Variants in IL1RAP observed in about 807,000 individuals in gnomAD.
The protein encoded by IL1RAP is interleukin 1 receptor accessory protein, also known as interleukin-1 receptor accessory protein.
A neutral mutation model predicts 60.7 loss-of-function variants in IL1RAP; 35 were observed. The observed-to-expected ratio is 0.58, with a 90% CI of 0.44 to 0.76. The LOEUF is 0.76. Among genes scored for constraint, IL1RAP ranks in the 30% least tolerant of loss-of-function variants. The probability of loss-of-function intolerance (pLI) is 0.00; values close to 1 mark genes in which losing one functional copy is unlikely to be tolerated. For synonymous variants in IL1RAP, 268 were observed against 250.9 expected, an observed-to-expected ratio of 1.07 and a Z score of -0.64; for missense variants, 572 against 693.9, an observed-to-expected ratio of 0.82 and a Z score of 1.97.
chr3:190,516,863 C>T (rs1196711945), intron 1 of IL1RAP, among the ~76,000 whole-genome samples: 1 of 152,174 alleles, frequency 6.6e-6, no homozygotes, highest in Non-Finnish European at 1.5e-5. Context: ...TAGAACATAA[C>T]TGGAATGAGA....
Position 190,604,117 on chromosome 3 carries a change from G to T in IL1RAP, c.65-11G>T, listed in dbSNP as rs751908742. The T allele has an allele frequency of 1.9e-6, 3 of 1,599,704 alleles. No homozygotes were observed. Among genetic ancestry groups the T allele is most frequent in the Admixed American group, 3.6e-5 (2 of 56,288 alleles). ...TCATCTGCCCCTTTCTTTCTTTTTT[G>T]ATTATTCCAGAACGCTGCGATGACT... On this transcript the variant is annotated splice_polypyrimidine_tract_variant and intron_variant, in intron 3 of 11. Transcript: ENST00000447382.
intron 3 of IL1RAP, among the ~76,000 whole-genome samples, chr3:190,565,312 T>C (rs930124850): frequency 8.5e-5 from 13 of 152,218 alleles, no homozygotes; most frequent in African/African-American, 3.1e-4. Flanking sequence ...TAAACCATAC[T>C]TTACATATCG....
chr3:190,626,745 A>ACTG (rs1168029251), intron 7 of IL1RAP, among the ~76,000 whole-genome samples: 3 of 134,788 alleles, frequency 2.2e-5, no homozygotes, highest in Non-Finnish European at 4.5e-5. Context: ...GTCTTGGCTC[A>ACTG]CTGCAACCTC....
At chr3:190,639,089 C>T (rs567249697) in intron 9 of IL1RAP, among the ~76,000 whole-genome samples, 1 of 151,924 alleles carries the variant, frequency 6.6e-6, no homozygotes, top group African/African-American at 2.4e-5. Flanking sequence ...ATTATGATGG[C>T]CTGTGGTGTC....
At chr3:190,630,200 A>C (rs1058843) in intron 9 of IL1RAP, 643,979 of 750,332 alleles carry the variant, frequency 0.86, 277,096 homozygotes, top group East Asian at 1. Flanking sequence ...AAATGGTATA[A>C]ACATGATTTC....
intron 1 of IL1RAP, among the ~76,000 whole-genome samples, chr3:190,539,767 C>G (rs1723770592): frequency 6.6e-6 from 1 of 150,424 alleles, no homozygotes; most frequent in African/African-American, 2.4e-5. Flanking sequence ...AAAAAATAAC[C>G]TAACAGGTGA....
intron 9 of IL1RAP, among the ~76,000 whole-genome samples, chr3:190,639,288 G>C (rs542573327): frequency 2.2e-4 from 33 of 152,120 alleles, no homozygotes; most frequent in African/African-American, 7.0e-4. Flanking sequence ...CCAATTAGTA[G>C]TGCCCCACAG....
At position 190,648,552 on chromosome 3, in the gene IL1RAP, G is replaced by A. The variant is rs748503112; in HGVS notation, c.1560G>A (p.Val520=). 12 of 1,614,006 alleles carry A rather than the reference G, an allele frequency of 7.4e-6. No homozygotes were observed. Among genetic ancestry groups the A allele is most frequent in the Non-Finnish European group, 9.3e-6 (11 of 1,180,030 alleles). Residue 520 remains valine (V), a synonymous_variant, in exon 12 of 12, where the codon GTG becomes GTA. Coordinates refer to ENST00000447382, the MANE Select transcript of IL1RAP (RefSeq NM_002182.4). ...KVKELKRAKT[V]LTVIKWKGEK... is the part of the protein sequence containing the mutation. ...AAGAGCTGAAGAGGGCTAAGACGGT[G>A]CTCACGGTCATTAAATGGAAAGGGG... is the stretch of plus-strand genomic sequence containing the variant.
At chr3:190,602,111 G>A (rs1446955740) in intron 3 of IL1RAP, among the ~76,000 whole-genome samples, 2 of 152,104 alleles carry the variant, frequency 1.3e-5, no homozygotes, top group African/African-American at 2.4e-5. Context: ...AACTAGGGCT[G>A]TTTTTGCTGA....
chr3:190,631,881 A>G (rs56823006), intron 9 of IL1RAP, among the ~76,000 whole-genome samples: 30,954 of 151,800 alleles, frequency 0.2, 3,970 homozygotes, highest in African/African-American at 0.35. Flanking sequence ...GCTCACTGCA[A>G]CCACTGCCTC....
exon 12 of IL1RAP, chr3:190,656,817 C>A: frequency 6.4e-6 from 3 of 465,750 alleles, no homozygotes; most frequent in Non-Finnish European, 7.5e-6. Context: ...GAAGAGCACA[C>A]TCTTCTTGGG....
chr3:190,649,631 A>G lies in IL1RAP; in HGVS notation c.*926A>G. The G allele has an allele frequency of 1.0e-6, 1 of 985,890 alleles. No individual in the cohort carries two copies. Among genetic ancestry groups the G allele is most frequent in the Non-Finnish European group, 1.2e-6 (1 of 829,926 alleles). The allele number at this position is 985,890 out of a possible 1,614,324, so 61.1% of individuals were successfully genotyped here. ...TGTCTTTTAAGTCTTAACCTTGCTA[A>G]TGTGAATACTGGGAAAGTGATTTTT... On this transcript the variant is annotated 3_prime_UTR_variant, in exon 12 of 12. Transcript: ENST00000447382.
chr3:190,575,396 C>T (rs1164732923), intron 3 of IL1RAP, among the ~76,000 whole-genome samples: 1 of 152,040 alleles, frequency 6.6e-6, no homozygotes, highest in Non-Finnish European at 1.5e-5. Context: ...ACTTGAAGAA[C>T]GTAAGTAAAC....
intron 2 of IL1RAP, among the ~76,000 whole-genome samples, chr3:190,561,429 A>C (rs768508967): frequency 1.5e-4 from 23 of 152,152 alleles, no homozygotes; most frequent in Non-Finnish European, 2.6e-4. Context: ...GTGTGTTCGC[A>C]GACAGGTTAT....
chr3:190,627,302 T>A (rs751017419), intron 7 of IL1RAP, 21 bp from the exon 8 acceptor site: 2 of 1,450,556 alleles, frequency 1.4e-6, no homozygotes, highest in African/African-American at 5.1e-5. Context: ...TTTTTTTTGT[T>A]TTTTTGGTTT....
At chr3:190,564,242 T>A (rs1012727272) in intron 2 of IL1RAP, 47 bp from the exon 3 acceptor site, 1 of 1,214,210 alleles carries the variant, frequency 8.2e-7, no homozygotes, top group Admixed American at 1.7e-5. Context: ...ATTTAAGCCC[T>A]TGAAAGTAGT....
At chr3:190,586,097 CTT>C (rs2108692396) in intron 3 of IL1RAP, among the ~76,000 whole-genome samples, 1 of 152,284 alleles carries the variant, frequency 6.6e-6, no homozygotes, top group East Asian at 1.9e-4. Flanking sequence ...GATGCCATCT[CTT>C]CTGTGAAGGC....
At chr3:190,569,415 A>G (rs1726713946) in intron 3 of IL1RAP, among the ~76,000 whole-genome samples, 1 of 152,296 alleles carries the variant, frequency 6.6e-6, no homozygotes, top group East Asian at 1.9e-4. Context: ...CCAGTTGCCC[A>G]TGGCTGGTCA....
In IL1RAP at chr3:190,546,083, G is replaced by A. The variant is rs538250810; in HGVS notation, c.-88-10047G>A. The stretch of plus-strand genomic sequence containing the variant: ...GCATCGGTATGATTAGCAGCTGCAT[G>A]CAGTGTACATCCTTGAAATGATGCA... On this transcript the variant is annotated intron_variant, in intron 1 of 11. Coordinates refer to ENST00000447382, the MANE Select transcript of IL1RAP (RefSeq NM_002182.4). Among the ~76,000 whole-genome samples, 19 of 152,226 alleles carry A rather than the reference G, an allele frequency of 1.2e-4. No individual in the cohort carries two copies. In the South Asian group the frequency reaches 1.9e-3, roughly 15 times the overall value.
Sources: gnomAD v4.1 joint callset for allele counts (sites outside exome capture counted in the v4.1 genomes callset) on GRCh38, gnomAD v4.1.1 for gene constraint, MANE v1.5 for transcripts, NCBI Gene and HGNC (gene_info 2026-07-23, HGNC 2026-07-21) for gene names.